Variants in CNTN4 observed in about 807,000 individuals in gnomAD.
CNTN4 encodes the protein contactin 4, also known as contactin-4.
Under a neutral mutation model 122.5 loss-of-function variants are expected in CNTN4, and 77 were observed. The observed-to-expected ratio is 0.63, with a 90% CI of 0.52 to 0.76. The LOEUF (loss-of-function observed/expected upper bound fraction) is 0.76, where lower values mean the gene tolerates loss of function less well. Ranked by LOEUF, CNTN4 falls within the 30% of genes least tolerant of loss-of-function variation. The pLI is 0.00. For synonymous variants in CNTN4, 512 were observed against 447.0 expected, an observed-to-expected ratio of 1.15 and a Z score of -1.83; for missense variants, 1,256 against 1,259.1, an observed-to-expected ratio of 1.00 and a Z score of 0.04.
intron 2 of CNTN4, among the ~76,000 whole-genome samples, chr3:2,338,408 A>G (rs1270361614): frequency 6.6e-6 from 1 of 151,994 alleles, no homozygotes; most frequent in Non-Finnish European, 1.5e-5. Context: ...GAATAGTATG[A>G]TTAAAGATAT....
chr3:2,372,832 C>G (rs546808296), intron 3 of CNTN4, among the ~76,000 whole-genome samples: 1 of 152,076 alleles, frequency 6.6e-6, no homozygotes, highest in African/African-American at 2.4e-5. Flanking sequence ...GGGCGGATCA[C>G]TGGAGGCCAG....
chr3:2,916,975 A>G (rs1269157012), intron 12 of CNTN4, among the ~76,000 whole-genome samples: 36 of 132,086 alleles, frequency 2.7e-4, no homozygotes, highest in Non-Finnish European at 3.9e-4. Context: ...GGTTGCAGCG[A>G]GCCGAGATCA....
At chr3:2,398,775 A>C (rs76076133) in intron 3 of CNTN4, among the ~76,000 whole-genome samples, 1 of 152,170 alleles carries the variant, frequency 6.6e-6, no homozygotes, top group African/African-American at 2.4e-5. Context: ...GGAAATGATC[A>C]CTGATCTGGA....
At chr3:2,702,651 G>C (rs987194338) in intron 4 of CNTN4, among the ~76,000 whole-genome samples, 7 of 152,164 alleles carry the variant, frequency 4.6e-5, no homozygotes, top group African/African-American at 9.6e-5. Context: ...GACATCTTTT[G>C]GGTGAGCTCC....
intron 6 of CNTN4, among the ~76,000 whole-genome samples, chr3:2,815,733 GTATC>G (rs2092710469): frequency 1.3e-5 from 2 of 152,060 alleles, no homozygotes; most frequent in Admixed American, 1.3e-4. Flanking sequence ...TCACTACTGA[GTATC>G]TACCCAGAGG....
At chr3:2,510,529 C>T (rs2076856070) in intron 3 of CNTN4, among the ~76,000 whole-genome samples, 1 of 152,010 alleles carries the variant, frequency 6.6e-6, no homozygotes, top group African/African-American at 2.4e-5. Context: ...CACACGGGTG[C>T]CTTAATCACA....
intron 15 of CNTN4, among the ~76,000 whole-genome samples, chr3:3,030,334 C>T (rs949309896): frequency 2.0e-5 from 3 of 152,190 alleles, no homozygotes. Context: ...CTAGGTGATG[C>T]GAGATTTCCT....
intron 3 of CNTN4, among the ~76,000 whole-genome samples, chr3:2,534,529 G>A (rs1575886368): frequency 6.6e-6 from 1 of 152,126 alleles, no homozygotes; most frequent in African/African-American, 2.4e-5. Flanking sequence ...GTGCACTTGG[G>A]CTTAGTGCTT....
At position 2,709,394 on chromosome 3, in the gene CNTN4, T is replaced by G. The variant is rs1382678031; in HGVS notation, c.56-26821T>G. On this transcript the variant is annotated intron_variant, in intron 4 of 24. Coordinates refer to ENST00000418658, the MANE Select transcript of CNTN4 (RefSeq NM_175607.3). This position sits in a 1 kb window ranked among gnomAD's most constrained non-coding sequence, Gnocchi z 5.0. Reference sequence around the variant, plus strand: ...TCACGCCTGGTTAGGATTTGATTGGTAAGGGTACAACCTGTGCACCAGGGA... The same window carrying G: ...TCACGCCTGGTTAGGATTTGATTGGGAAGGGTACAACCTGTGCACCAGGGA... Among the ~76,000 whole-genome samples the G allele has an allele frequency of 6.6e-6, 1 of 151,778 alleles. No homozygotes were observed. Among genetic ancestry groups the G allele is most frequent in the Non-Finnish European group, 1.5e-5 (1 of 68,022 alleles).
At chr3:2,309,746 A>T (rs903922423) in intron 2 of CNTN4, among the ~76,000 whole-genome samples, 1 of 152,150 alleles carries the variant, frequency 6.6e-6, no homozygotes, top group East Asian at 1.9e-4. Context: ...TAGAGTTTTT[A>T]AAAAATACAT....
At chr3:2,383,516 C>G (rs2046110753) in intron 3 of CNTN4, among the ~76,000 whole-genome samples, 1 of 152,088 alleles carries the variant, frequency 6.6e-6, no homozygotes, top group African/African-American at 2.4e-5. Flanking sequence ...TAAATTGTCC[C>G]AGGTAACACA....
At chr3:2,360,337 G>A (rs1252633238) in intron 3 of CNTN4, among the ~76,000 whole-genome samples, 1 of 151,972 alleles carries the variant, frequency 6.6e-6, no homozygotes, top group East Asian at 1.9e-4. Flanking sequence ...AATGTTTCTG[G>A]AATCCTTAGG....
intron 2 of CNTN4, among the ~76,000 whole-genome samples, chr3:2,286,512 T>C (rs1169019671): frequency 1.3e-5 from 2 of 152,060 alleles, no homozygotes; most frequent in Non-Finnish European, 2.9e-5. Flanking sequence ...ACATAAAACT[T>C]ACAATTTCTA....
chr3:2,547,510 C>A (rs1162254050), intron 3 of CNTN4, among the ~76,000 whole-genome samples: 1 of 152,054 alleles, frequency 6.6e-6, no homozygotes, highest in East Asian at 1.9e-4. Flanking sequence ...AGGTGATCTG[C>A]CTACCTCGGC....
intron 3 of CNTN4, among the ~76,000 whole-genome samples, chr3:2,534,534 G>T (rs2077724662): frequency 6.6e-6 from 1 of 152,052 alleles, no homozygotes; most frequent in African/African-American, 2.4e-5. Context: ...CTTGGGCTTA[G>T]TGCTTTTTCT....
intron 4 of CNTN4, among the ~76,000 whole-genome samples, chr3:2,627,766 T>C (rs2619580): frequency 6.6e-6 from 1 of 152,050 alleles, no homozygotes; most frequent in South Asian, 2.1e-4. Flanking sequence ...GTGCTGGGAT[T>C]ACAGGCGTGA....
At position 2,550,789 on chromosome 3, in the gene CNTN4, T is replaced by C. The variant is rs1047381282; in HGVS notation, c.-88-20627T>C. On this transcript the variant is annotated intron_variant, in intron 3 of 24. Coordinates refer to ENST00000418658, the MANE Select transcript of CNTN4 (RefSeq NM_175607.3). Reference sequence around the variant, plus strand: ...GTAGCCATAAAAAAGGATGAGCGTATGTCCTTTGCAGGGACATGGATGAAG... The same window carrying C: ...GTAGCCATAAAAAAGGATGAGCGTACGTCCTTTGCAGGGACATGGATGAAG... 5.9e-5 allele frequency among the ~76,000 whole-genome samples: 9 copies of C among 152,180 alleles called. No individual in the cohort carries two copies. The East Asian group carries it at 1.3e-3, about 23-fold the overall frequency.
At chr3:2,240,781 A>T (rs763153359) in intron 2 of CNTN4, among the ~76,000 whole-genome samples, 2 of 152,280 alleles carry the variant, frequency 1.3e-5, no homozygotes, top group East Asian at 3.9e-4. Flanking sequence ...TAAAAATTAT[A>T]TTTTAAACGT....
At position 2,295,958 on chromosome 3, in the gene CNTN4, T is replaced by C. The variant is rs954322676; in HGVS notation, c.-144-43220T>C. On this transcript the variant is annotated intron_variant, in intron 2 of 24. Transcript: ENST00000418658. ...GAATCCTTTCCGCATTTCTTGTTTT[T>C]ATCAGGTTTGTCAAAGATCAGATAG... Among the ~76,000 whole-genome samples, 52 of 152,300 alleles carry C rather than the reference T, an allele frequency of 3.4e-4. 1 individual carries two copies. Among genetic ancestry groups the C allele is most frequent in the Admixed American group, 9.2e-4 (14 of 15,300 alleles).
Sources: gnomAD v4.1 joint callset for allele counts (sites outside exome capture counted in the v4.1 genomes callset) on GRCh38, gnomAD v4.1.1 for gene constraint, Gnocchi (gnomAD v3.1) non-coding constraint, MANE v1.5 for transcripts, NCBI Gene and HGNC (gene_info 2026-07-23, HGNC 2026-07-21) for gene names.